ITFG1: variants seen among roughly 807,000 people sequenced by gnomAD.
ITFG1 encodes the protein T-cell immunomodulatory protein.
ITFG1 carries 34 observed loss-of-function variants against 81.8 expected under a neutral mutation model. The ratio of observed to expected loss-of-function variants is 0.42; its 90% confidence interval spans 0.32 to 0.55. The LOEUF (loss-of-function observed/expected upper bound fraction) is 0.55, where lower values mean the gene tolerates loss of function less well. Ranked by LOEUF, ITFG1 falls within the 20% of genes least tolerant of loss-of-function variation. The pLI is 0.17. For missense variants in ITFG1, 672 were observed against 755.4 expected (o/e 0.89, Z 1.29); for synonymous variants, 285 against 270.6 (o/e 1.05, Z -0.52).
At chr16:47,440,983 A>C (rs923316878) in intron 5 of ITFG1, among the ~76,000 whole-genome samples, 1 of 152,226 alleles carries the variant, frequency 6.6e-6, no homozygotes, top group African/African-American at 2.4e-5. Flanking sequence ...AAATAGACGC[A>C]ATAAAAAATG....
intron 14 of ITFG1, among the ~76,000 whole-genome samples, chr16:47,211,227 A>C (rs2151524187): frequency 6.6e-6 from 1 of 152,284 alleles, no homozygotes; most frequent in African/African-American, 2.4e-5. Context: ...TCAACATATA[A>C]GTCCTCTATA....
At position 47,451,284 on chromosome 16, in the gene ITFG1, C is replaced by A. The variant is rs185620256; in HGVS notation, c.560+112G>T. ...AAAGCTTATATATATTAACCAAATG[C>A]CCACTTAAAAATCTTTAAAAACAAG... On this transcript the variant is annotated intron_variant, in intron 5 of 17. Transcript: ENST00000320640. The A allele has an allele frequency of 2.8e-5, 17 of 609,184 alleles. No individual in the cohort carries two copies. In the East Asian group the frequency reaches 4.5e-4, roughly 16 times the overall value. The allele number at this position is 609,184 out of a possible 1,614,324, so 37.7% of individuals were successfully genotyped here. A position where few individuals can be genotyped will look rare whatever the true frequency, so the allele number is the denominator to read the frequency against.
At chr16:47,182,822 G>C (rs984752584) in intron 14 of ITFG1, among the ~76,000 whole-genome samples, 1 of 152,250 alleles carries the variant, frequency 6.6e-6, no homozygotes, top group African/African-American at 2.4e-5. Context: ...GAGCAACGCA[G>C]AAGACGGGTG....
intron 13 of ITFG1, among the ~76,000 whole-genome samples, chr16:47,230,348 C>T (rs1183758317): frequency 1.3e-5 from 2 of 151,938 alleles, no homozygotes. Flanking sequence ...GCAGCTGCAG[C>T]GGCATAAGCT....
intron 13 of ITFG1, among the ~76,000 whole-genome samples, chr16:47,236,335 C>T (rs1965873187): frequency 6.6e-6 from 1 of 151,988 alleles, no homozygotes; most frequent in South Asian, 2.1e-4. Flanking sequence ...ATTAGCCGGG[C>T]ATGGTGGCAG....
intron 8 of ITFG1, among the ~76,000 whole-genome samples, chr16:47,349,731 C>T (rs1443436719): frequency 2.0e-5 from 3 of 152,196 alleles, no homozygotes; most frequent in African/African-American, 7.2e-5. Context: ...CTACAGAACT[C>T]TCTACCCCAA....
At chr16:47,357,438 C>A (rs913228553) in intron 8 of ITFG1, among the ~76,000 whole-genome samples, 75 of 151,772 alleles carry the variant, frequency 4.9e-4, no homozygotes, top group African/African-American at 1.7e-3. Flanking sequence ...CATGGTGAAA[C>A]CCCGTCTCTA....
At chr16:47,288,757 G>C (rs1037068656) in intron 10 of ITFG1, among the ~76,000 whole-genome samples, 2 of 152,132 alleles carry the variant, frequency 1.3e-5, no homozygotes, top group Non-Finnish European at 2.9e-5. Context: ...AAACTAGCCA[G>C]CGTGGTGGTG....
chr16:47,419,794 G>A (rs1221635913), intron 6 of ITFG1, among the ~76,000 whole-genome samples: 2 of 150,890 alleles, frequency 1.3e-5, no homozygotes, highest in African/African-American at 4.9e-5. Context: ...GTAGAGATGA[G>A]GTTTCACTAT....
chr16:47,376,045 A>T (rs1056249772), intron 6 of ITFG1, 105 bp from the exon 7 acceptor site: 2 of 598,142 alleles, frequency 3.3e-6, no homozygotes, highest in Non-Finnish European at 5.9e-6. Flanking sequence ...ACACAATTCT[A>T]CTTAAACATA....
chr16:47,188,116 G>A (rs1277501019), intron 14 of ITFG1, among the ~76,000 whole-genome samples: 2 of 150,520 alleles, frequency 1.3e-5, no homozygotes, highest in Non-Finnish European at 1.5e-5. Flanking sequence ...GGAAACAACA[G>A]GTGCTGGAGA....
intron 6 of ITFG1, among the ~76,000 whole-genome samples, chr16:47,389,007 C>T (rs1489575729): frequency 1.3e-5 from 2 of 152,158 alleles, no homozygotes; most frequent in African/African-American, 2.4e-5. Flanking sequence ...GCTTCTGTAA[C>T]TCGCTTCCCG....
chr16:47,404,868 C>G (rs1376919959), intron 6 of ITFG1, among the ~76,000 whole-genome samples: 1 of 152,102 alleles, frequency 6.6e-6, no homozygotes, highest in East Asian at 1.9e-4. Context: ...GTGGTTTTAA[C>G]TTAATTTCTC....
At chr16:47,437,613 G>T (rs1969184512) in intron 5 of ITFG1, among the ~76,000 whole-genome samples, 1 of 152,202 alleles carries the variant, frequency 6.6e-6, no homozygotes, top group African/African-American at 2.4e-5. Context: ...AACTGCTGAA[G>T]CTGGGTGACA....
chr16:47,258,756 CA>C lies in ITFG1; in HGVS notation c.1222-17del. On this transcript the variant is annotated splice_polypyrimidine_tract_variant and intron_variant, in intron 11 of 17. Coordinates refer to ENST00000320640, the MANE Select transcript of ITFG1 (RefSeq NM_030790.5). The stretch of plus-strand genomic sequence containing the variant: ...CCAAGATTCCCTGGAAAAAAACAAA[CA>C]AAAATGGTAAGAACAAACTATTAGA... 8.1e-7 allele frequency: 1 copy of C among 1,237,876 alleles called. No homozygotes were observed. The highest frequency in any genetic ancestry group is 1.1e-6 in the Non-Finnish European group (1 of 892,190). The allele number at this position is 1,237,876 out of a possible 1,614,324, so 76.7% of individuals were successfully genotyped here.
intron 14 of ITFG1, among the ~76,000 whole-genome samples, chr16:47,194,252 T>G (rs1156656387): frequency 2.0e-5 from 3 of 152,222 alleles, no homozygotes; most frequent in Admixed American, 2.0e-4. Flanking sequence ...TTGAACTCTA[T>G]TGCACTTATT....
intron 5 of ITFG1, among the ~76,000 whole-genome samples, chr16:47,437,177 A>G (rs1271532112): frequency 1.3e-5 from 2 of 152,178 alleles, no homozygotes; most frequent in Non-Finnish European, 2.9e-5. Flanking sequence ...TTTGAAAACA[A>G]ATCTTTAGGT....
At chr16:47,351,828 T>G (rs899603515) in intron 8 of ITFG1, among the ~76,000 whole-genome samples, 12 of 152,156 alleles carry the variant, frequency 7.9e-5, no homozygotes, top group African/African-American at 1.4e-4. Flanking sequence ...AAGGCTACAG[T>G]AACCACAACA....
chr16:47,323,736 G>A (rs796589219), intron 8 of ITFG1, among the ~76,000 whole-genome samples: 7 of 152,104 alleles, frequency 4.6e-5, no homozygotes, highest in African/African-American at 1.7e-4. Context: ...CTATCTCAGT[G>A]AGTTGGGGTA....
Sources: allele counts gnomAD v4.1 joint callset (sites outside exome capture counted in the v4.1 genomes callset), GRCh38; gene constraint gnomAD v4.1.1; transcripts MANE v1.5; gene names NCBI Gene and HGNC (gene_info 2026-07-23, HGNC 2026-07-21).